ZNF615: variants seen among roughly 807,000 people sequenced by gnomAD.
ZNF615 encodes zinc finger protein 615.
ZNF615 carries 15 observed loss-of-function variants against 15.3 expected under a neutral mutation model. That is an observed-to-expected ratio of 0.98 (90% CI 0.66 to 1.51). The LOEUF is 1.51. Ranked by LOEUF, ZNF615 falls within the 40% of genes most tolerant of loss-of-function variation. The pLI, the probability that ZNF615 is intolerant of heterozygous loss-of-function variation, is 0.00. For synonymous variants in ZNF615, 268 were observed against 294.6 expected (o/e 0.91, Z 0.92); for missense variants, 848 against 895.9 (o/e 0.95, Z 0.68).
intron 6 of ZNF615, among the ~76,000 whole-genome samples, chr19:51,995,594 G>T (rs2086396503): frequency 6.8e-6 from 1 of 147,070 alleles, no homozygotes; most frequent in African/African-American, 2.5e-5. Context: ...TTGAGACAGG[G>T]TCTCTGTCAC....
chr19:52,002,254 C>A lies in ZNF615; in HGVS notation c.43G>T (p.Val15Leu). Residue 15 changes from valine to leucine, a missense_variant, in exon 4 of 7, where the codon GTG (valine) becomes TTG (leucine). Physicochemically the swap from Val to Leu is conservative, Grantham distance 32. Transcript: ENST00000598071. ...QESLTLEDVA[V>L]DFTWEEWQFL... ...TGCCACTCCTCCCAGGTGAAGTCCA[C>A]AGCCACATCCTCCAGTGTTAGGGAT... 6.2e-7 allele frequency: 1 copy of A among 1,614,224 alleles called. No homozygotes were observed. Among genetic ancestry groups the A allele is most frequent in the Non-Finnish European group, 8.5e-7 (1 of 1,180,038 alleles).
rs780416734 is a variant in ZNF615 at position 51,993,988 on chromosome 19, T to C, written c.1121A>G (p.His374Arg). ...GGGTTTCTCACCAGTATGAGTTCGA[T>C]GATGTGCAGTAAGACGCCTCTTCTC... The part of the protein sequence containing the change: ...FIEKRRLTAH[H>R]RTHTGEKPFI... The change falls in exon 7 of 7, where the codon CAT becomes CGT. Residue 374 changes from histidine to arginine, a missense_variant. His to Arg is a conservative substitution (Grantham distance 29, BLOSUM62 0). Coordinates refer to ENST00000598071, the MANE Select transcript of ZNF615 (RefSeq NM_001199324.2). 12 of 1,612,344 alleles carry C rather than the reference T, an allele frequency of 7.4e-6. No homozygotes were observed. The East Asian group carries it at 2.0e-4, about 27-fold the overall frequency.
At chr19:52,002,490 G>A (rs2086629117) in intron 3 of ZNF615, 2 of 698,414 alleles carry the variant, frequency 2.9e-6, no homozygotes, top group African/African-American at 1.8e-5. Flanking sequence ...TCAAAGAAAT[G>A]TCTGTAATAC....
chr19:52,006,039 G>A (rs1376786822), intron 2 of ZNF615, among the ~76,000 whole-genome samples: 1 of 152,066 alleles, frequency 6.6e-6, no homozygotes, highest in East Asian at 1.9e-4. Flanking sequence ...GGTATACCTG[G>A]TAACCCAAAA....
Position 51,991,362 on chromosome 19 carries a change from T to C in ZNF615, c.*1518A>G, listed in dbSNP as rs1407798094. 1 of 152,242 alleles carries C rather than the reference T, an allele frequency of 6.6e-6. No homozygotes were observed. The highest frequency in any genetic ancestry group is 1.5e-5 in the Non-Finnish European group (1 of 68,038). 9.4% of individuals were successfully genotyped at this position (152,242 alleles called of 1,614,324 possible). ...GTACAAATGTTCATAGGATTTTTAT[T>C]TGTAACAGTAAGAAAAACCGGGAAC... is the stretch of plus-strand genomic sequence containing the variant. On this transcript the variant is annotated 3_prime_UTR_variant, in exon 7 of 7. Coordinates refer to ENST00000598071, the MANE Select transcript of ZNF615 (RefSeq NM_001199324.2).
At chr19:52,003,432 A>AT (rs1400163093) in intron 3 of ZNF615, among the ~76,000 whole-genome samples, 4 of 152,180 alleles carry the variant, frequency 2.6e-5, no homozygotes, top group African/African-American at 9.7e-5. Context: ...ATAACTTATC[A>AT]TGTTTCTCTT....
chr19:51,996,445 A>G (rs944378759), intron 6 of ZNF615, among the ~76,000 whole-genome samples: 1 of 151,790 alleles, frequency 6.6e-6, no homozygotes, highest in Non-Finnish European at 1.5e-5. Context: ...GGATAGGAAG[A>G]AAAAACCTCA....
In ZNF615 at chr19:52,003,738, C is replaced by T; in HGVS notation, c.-27G>A. The T allele has an allele frequency of 6.2e-7, 1 of 1,611,750 alleles. No homozygotes were observed. The highest frequency in any genetic ancestry group is 8.5e-7 in the Non-Finnish European group (1 of 1,178,922). ...GTCTCCTAAATTTGGGAAATGACTGCTAACTTGGACGTTCTGTATTTGTCT... is the reference window on the plus strand; with the variant it reads ...GTCTCCTAAATTTGGGAAATGACTGTTAACTTGGACGTTCTGTATTTGTCT... On this transcript the variant is annotated 5_prime_UTR_variant, in exon 3 of 7. Coordinates refer to ENST00000598071, the MANE Select transcript of ZNF615 (RefSeq NM_001199324.2).
At chr19:52,001,655 T>C in intron 5 of ZNF615, 158 bp downstream of exon 5, 1 of 593,644 alleles carries the variant, frequency 1.7e-6, no homozygotes, top group Admixed American at 3.0e-5. Context: ...GTGGGGCATA[T>C]TTTCCATACT....
In ZNF615 at chr19:51,991,946, A is replaced by T. The variant is rs2086246296; in HGVS notation, c.*934T>A. 6.6e-6 allele frequency: 1 copy of T among 152,180 alleles called. No homozygotes were observed. The highest frequency in any genetic ancestry group is 1.5e-5 in the Non-Finnish European group (1 of 68,038). The allele number at this position is 152,180 out of a possible 1,614,324, so 9.4% of individuals were successfully genotyped here. A position where few individuals can be genotyped will look rare whatever the true frequency, so the allele number is the denominator to read the frequency against. ...ATTTTGGTAAGATTTTGTGAATCTA[A>T]ACTTATTTCAAAATAAAAACTTACA... On this transcript the variant is annotated 3_prime_UTR_variant, in exon 7 of 7. Transcript: ENST00000598071.
At chr19:52,006,490 T>A (rs2086755664) in intron 2 of ZNF615, among the ~76,000 whole-genome samples, 1 of 152,168 alleles carries the variant, frequency 6.6e-6, no homozygotes, top group Non-Finnish European at 1.5e-5. Context: ...TTACTCTACT[T>A]TATACCGAAC....
At chr19:51,999,085 G>A (rs994145423) in intron 6 of ZNF615, among the ~76,000 whole-genome samples, 1 of 152,196 alleles carries the variant, frequency 6.6e-6, no homozygotes, top group African/African-American at 2.4e-5. Context: ...ATCTGAAAAT[G>A]TAATCAAGAA....
At chr19:51,995,564 C>CTTCTT (rs1568499475) in intron 6 of ZNF615, among the ~76,000 whole-genome samples, 3 of 135,542 alleles carry the variant, frequency 2.2e-5, no homozygotes, top group Non-Finnish European at 1.6e-5. Context: ...AAACACCTTC[C>CTTCTT]TTTTTTTTTT....
At position 52,003,748 on chromosome 19, in the gene ZNF615, C is replaced by T. The variant is rs372749525; in HGVS notation, c.-37G>A. ...TTTGGGAAATGACTGCTAACTTGGA[C>T]GTTCTGTATTTGTCTCTTCTGAATC... is the stretch of plus-strand genomic sequence containing the variant. On this transcript the variant is annotated 5_prime_UTR_variant, in exon 3 of 7. Transcript: ENST00000598071. 4.0e-5 allele frequency: 65 copies of T among 1,610,426 alleles called. 1 individual carries two copies. Among genetic ancestry groups the T allele is most frequent in the Middle Eastern group, 1.7e-4 (1 of 6,038 alleles).
intron 5 of ZNF615, among the ~76,000 whole-genome samples, chr19:52,000,792 G>A (rs1250049927): frequency 6.6e-6 from 1 of 151,880 alleles, no homozygotes; most frequent in Non-Finnish European, 1.5e-5. Context: ...ACCTCTATAA[G>A]AAATACAAAA....
In ZNF615 at chr19:51,993,395, T is replaced by A; in HGVS notation, c.1714A>T (p.Thr572Ser). 3 of 1,614,146 alleles carry A rather than the reference T, an allele frequency of 1.9e-6. No individual in the cohort carries two copies. Among genetic ancestry groups the A allele is most frequent in the Non-Finnish European group, 2.5e-6 (3 of 1,180,014 alleles). The change falls in exon 7 of 7, where the codon ACT becomes TCT. Residue 572 changes from threonine to serine, a missense_variant. Physicochemically the swap from Thr to Ser is moderately conservative, Grantham distance 58. Coordinates refer to ENST00000598071, the MANE Select transcript of ZNF615 (RefSeq NM_001199324.2). ...ACATAGGGTTTCTCTCCTGTATGAG[T>A]GCGCCGATGTACATTGAGATGACTC... is the stretch of plus-strand genomic sequence containing the variant. ...EKSHLNVHRR[T>S]HTGEKPYVCS...
intron 5 of ZNF615, 126 bp from the exon 6 acceptor site, chr19:52,000,504 C>A: frequency 4.5e-6 from 2 of 444,604 alleles, no homozygotes. Flanking sequence ...AAGTTACAGG[C>A]TAGTTGTCAT....
Position 51,993,894 on chromosome 19 carries a change from A to G in ZNF615, c.1215T>C (p.His405=). 1 of 1,614,144 alleles carries G rather than the reference A, an allele frequency of 6.2e-7. No individual in the cohort carries two copies. The highest frequency in any genetic ancestry group is 8.5e-7 in the Non-Finnish European group (1 of 1,180,020). The change falls in exon 7 of 7, where the codon CAT becomes CAC. Residue 405 remains histidine, a synonymous_variant. Coordinates refer to ENST00000598071, the MANE Select transcript of ZNF615 (RefSeq NM_001199324.2). The part of the protein sequence containing the change: ...KNSLITHQQT[H]TGEKLYTCSE... The stretch of plus-strand genomic sequence containing the variant: ...TACATGTATATAATTTCTCTCCTGT[A>G]TGAGTTTGCTGATGTGTGATAAGAC...
chr19:52,007,426 T>C (rs972262136), intron 1 of ZNF615, 96 bp from the exon 2 acceptor site: 58 of 670,492 alleles, frequency 8.7e-5, no homozygotes, highest in South Asian at 1.2e-4. Context: ...TTAGGTATGC[T>C]AGATGACTGA....
Sources: gnomAD v4.1 joint callset for allele counts (sites outside exome capture counted in the v4.1 genomes callset) on GRCh38, gnomAD v4.1.1 for gene constraint, MANE v1.5 for transcripts, NCBI Gene and HGNC (gene_info 2026-07-23, HGNC 2026-07-21) for gene names.